The following SFMBT1 variants were observed in gnomAD, a reference collection of about 807,000 sequenced individuals.
SFMBT1 encodes Scm like with four mbt domains 1.
SFMBT1 carries 32 observed loss-of-function variants against 108.7 expected under a neutral mutation model. That is an observed-to-expected ratio of 0.29 (90% CI 0.22 to 0.40). SFMBT1 has a LOEUF of 0.40. SFMBT1 is among the 10% of genes least tolerant of loss of function. The pLI is 1.00. For missense variants in SFMBT1, 816 were observed against 1,059.6 expected, an observed-to-expected ratio of 0.77 and a Z score of 3.19; for synonymous variants, 348 against 369.5, an observed-to-expected ratio of 0.94 and a Z score of 0.67.
chr3:53,041,376 C>G (rs1575457605), intron 1 of SFMBT1, among the ~76,000 whole-genome samples: 1 of 152,012 alleles, frequency 6.6e-6, no homozygotes, highest in East Asian at 1.9e-4. Flanking sequence ...CATGAATCTG[C>G]AACAACCTGA....
intron 1 of SFMBT1, among the ~76,000 whole-genome samples, chr3:52,972,584 C>T (rs777192693): frequency 1.3e-5 from 2 of 151,910 alleles, no homozygotes; most frequent in East Asian, 1.9e-4. Flanking sequence ...GTATTATCAC[C>T]CTCTTGTAGT....
rs74658899 is a variant in SFMBT1 at position 52,937,224 on chromosome 3, T to C, written c.365-2323A>G. Among the ~76,000 whole-genome samples the C allele has an allele frequency of 0.014, 2,098 of 152,260 alleles. 169 individuals are homozygous for C. The East Asian group carries it at 0.23, about 17-fold the overall frequency. ...ACAACATTAAGTCTACCACCAACAG[T>C]AGGATTACTAAAAATAGGTTAAGAT... On this transcript the variant is annotated intron_variant, in intron 4 of 20. Coordinates refer to ENST00000394752, the MANE Select transcript of SFMBT1 (RefSeq NM_016329.4).
intron 17 of SFMBT1, among the ~76,000 whole-genome samples, chr3:52,908,150 T>G (rs991849547): frequency 2.0e-5 from 3 of 150,214 alleles, no homozygotes; most frequent in African/African-American, 7.4e-5. Flanking sequence ...CTCGGCTCAC[T>G]GCAACCTCTG....
At chr3:53,012,498 A>G (rs1040278284) in intron 1 of SFMBT1, among the ~76,000 whole-genome samples, 1 of 151,074 alleles carries the variant, frequency 6.6e-6, no homozygotes, top group African/African-American at 2.4e-5. Context: ...CGCCTCCCGG[A>G]TTCACGCCAT....
chr3:53,033,887 T>C lies in SFMBT1; in HGVS notation c.-131+11929A>G, dbSNP rs1035091832. ...GAGCTCGAGACCAGCCTGATCAACA[T>C]GGAGAAACCCTGTCTCTACTAAAAA... On this transcript the variant is annotated intron_variant, in intron 1 of 20. Coordinates refer to ENST00000394752, the MANE Select transcript of SFMBT1 (RefSeq NM_016329.4). 4.0e-5 allele frequency among the ~76,000 whole-genome samples: 6 copies of C among 151,706 alleles called. No homozygotes were observed. The East Asian group carries it at 1.2e-3, about 29-fold the overall frequency.
chr3:52,908,332 A>G (rs375096096), intron 17 of SFMBT1, among the ~76,000 whole-genome samples: 3 of 151,994 alleles, frequency 2.0e-5, no homozygotes, highest in East Asian at 3.9e-4. Context: ...TTGGCCTCCC[A>G]AAGTGCTGGG....
chr3:52,982,533 G>A (rs1055137137), intron 1 of SFMBT1, among the ~76,000 whole-genome samples: 22 of 152,012 alleles, frequency 1.4e-4, no homozygotes, highest in African/African-American at 5.1e-4. Context: ...GTTCCAGACA[G>A]GCCTGGCCAA....
Position 52,921,690 on chromosome 3 carries a change from A to T in SFMBT1, c.1258+15T>A. The T allele has an allele frequency of 6.2e-7, 1 of 1,613,218 alleles. No individual in the cohort carries two copies. On this transcript the variant is annotated intron_variant, in intron 11 of 20. Transcript: ENST00000394752. ...AGAGTGGCCACAGGAAGGCTTCTAGAGTGCTGGCACTCACCCTCCAGCTGG... is the reference window on the plus strand; with the variant it reads ...AGAGTGGCCACAGGAAGGCTTCTAGTGTGCTGGCACTCACCCTCCAGCTGG...
intron 1 of SFMBT1, among the ~76,000 whole-genome samples, chr3:52,986,786 A>AAAAAAG: frequency 6.8e-6 from 1 of 147,058 alleles, no homozygotes; most frequent in Non-Finnish European, 1.5e-5. Context: ...AAAAAAAAAA[A>AAAAAAG]AAAATTAGCA....
intron 1 of SFMBT1, among the ~76,000 whole-genome samples, chr3:53,013,615 CTTTTTTTTTTT>C (rs397989629): frequency 6.4e-4 from 37 of 58,078 alleles, no homozygotes; most frequent in Non-Finnish European, 6.8e-4. Flanking sequence ...TATAAAGAAT[CTTTTTTTTTTT>C]TTTTTTTTTT....
At chr3:52,955,749 T>C (rs527256639) in intron 2 of SFMBT1, among the ~76,000 whole-genome samples, 1 of 152,248 alleles carries the variant, frequency 6.6e-6, no homozygotes, top group South Asian at 2.1e-4. Flanking sequence ...GACAGATGGA[T>C]TCACAGCACA....
At chr3:52,928,133 A>G in intron 9 of SFMBT1, 58 bp downstream of exon 9, 1 of 1,577,162 alleles carries the variant, frequency 6.3e-7, no homozygotes, top group Non-Finnish European at 8.6e-7. Flanking sequence ...GCCATCTGAC[A>G]TGTCTCATTT....
intron 1 of SFMBT1, among the ~76,000 whole-genome samples, chr3:53,001,925 T>TCTCCCACACACA (rs1448849638): frequency 7.7e-6 from 1 of 129,132 alleles, no homozygotes; most frequent in African/African-American, 2.8e-5. Context: ...ACCCAGTCTC[T>TCTCCCACACACA]CACACACACA....
intron 1 of SFMBT1, among the ~76,000 whole-genome samples, chr3:53,031,434 A>G (rs1256100442): frequency 1.3e-5 from 2 of 152,174 alleles, no homozygotes; most frequent in Non-Finnish European, 2.9e-5. Flanking sequence ...GTTATCTCGG[A>G]AAAAAAGTTA....
intron 3 of SFMBT1, among the ~76,000 whole-genome samples, chr3:52,947,887 A>G (rs1703427143): frequency 6.6e-6 from 1 of 152,056 alleles, no homozygotes; most frequent in South Asian, 2.1e-4. Flanking sequence ...GGCATGCACC[A>G]CCATGCCTGG....
At chr3:53,011,267 A>AG (rs1698933477) in intron 1 of SFMBT1, among the ~76,000 whole-genome samples, 1 of 152,180 alleles carries the variant, frequency 6.6e-6, no homozygotes, top group Non-Finnish European at 1.5e-5. Context: ...CAGCAGGCCA[A>AG]GCAGCATGCA....
intron 1 of SFMBT1, among the ~76,000 whole-genome samples, chr3:53,027,686 G>C (rs771140168): frequency 7.2e-5 from 11 of 152,192 alleles, no homozygotes; most frequent in Non-Finnish European, 1.5e-4. Context: ...GGCTGCAGCT[G>C]CCTTTTTTCA....
At position 52,981,440 on chromosome 3, in the gene SFMBT1, G is replaced by A. The variant is rs536462928; in HGVS notation, c.-130-12182C>T. Among the ~76,000 whole-genome samples, 6 of 151,898 alleles carry A rather than the reference G, an allele frequency of 4.0e-5. No homozygotes were observed. In the South Asian group the frequency reaches 6.3e-4, roughly 16 times the overall value. ...TGCAATGGCATGAGCTCGGATCACTGCAACCTCCACTTCCTAGGCTCAAGC... is the reference window on the plus strand; with the variant it reads ...TGCAATGGCATGAGCTCGGATCACTACAACCTCCACTTCCTAGGCTCAAGC... On this transcript the variant is annotated intron_variant, in intron 1 of 20. Transcript: ENST00000394752.
chr3:52,979,793 G>A (rs1422115180), intron 1 of SFMBT1, among the ~76,000 whole-genome samples: 4 of 152,068 alleles, frequency 2.6e-5, no homozygotes, highest in Admixed American at 6.6e-5. Context: ...ACTTATTATC[G>A]CCACACCACA....
Sources: gnomAD v4.1 joint callset for allele counts (sites outside exome capture counted in the v4.1 genomes callset) on GRCh38, gnomAD v4.1.1 for gene constraint, MANE v1.5 for transcripts, NCBI Gene and HGNC (gene_info 2026-07-23, HGNC 2026-07-21) for gene names.